RPP38: variants seen among roughly 807,000 people sequenced by gnomAD.
RPP38 encodes the protein ribonuclease P/MRP subunit p38.
A neutral mutation model predicts 1.7 loss-of-function variants in RPP38; 2 were observed. That is an observed-to-expected ratio of 1.18 (90% CI 0.48 to 3.70). RPP38 has a LOEUF of 3.70. RPP38 is among the 30% of genes most tolerant of loss of function. The pLI is 0.07. For missense variants in RPP38, 358 were observed against 340.1 expected (o/e 1.05, Z -0.41); for synonymous variants, 151 against 131.8 (o/e 1.15, Z -1.00).
chr10:15,101,570 C>CCTCT (rs1280667902), intron 1 of RPP38, among the ~76,000 whole-genome samples: 1 of 152,138 alleles, frequency 6.6e-6, no homozygotes, highest in Non-Finnish European at 1.5e-5. Context: ...AATTGCCAGC[C>CCTCT]AGAGAAGTCA....
At position 15,102,276 on chromosome 10, in the gene RPP38, C is replaced by G. The variant is rs2131428109; in HGVS notation, c.-71C>G. 6.6e-6 allele frequency: 1 copy of G among 151,512 alleles called. No homozygotes were observed. Among genetic ancestry groups the G allele is most frequent in the Admixed American group, 6.6e-5 (1 of 15,204 alleles). The allele number at this position is 151,512 out of a possible 1,614,324, so 9.4% of individuals were successfully genotyped here. A position where few individuals can be genotyped will look rare whatever the true frequency, so the allele number is the denominator to read the frequency against. Reference sequence around the variant, plus strand: ...GTGGCACAATCACGCTCACTGCATCCTTGACCTCCTGGGCTCAAGTGATCT... The same window carrying G: ...GTGGCACAATCACGCTCACTGCATCGTTGACCTCCTGGGCTCAAGTGATCT... On this transcript the variant is annotated 5_prime_UTR_variant, in exon 2 of 3. Transcript: ENST00000378197.
intron 1 of RPP38, among the ~76,000 whole-genome samples, chr10:15,100,044 T>C (rs1379074571): frequency 6.6e-6 from 1 of 152,200 alleles, no homozygotes; most frequent in Non-Finnish European, 1.5e-5. Flanking sequence ...TTTTCTCTCT[T>C]TCTCTAAAGC....
At chr10:15,099,582 C>T (rs1325129292) in intron 1 of RPP38, among the ~76,000 whole-genome samples, 1 of 151,258 alleles carries the variant, frequency 6.6e-6, no homozygotes, top group Admixed American at 6.6e-5. Flanking sequence ...TCAAGCAATT[C>T]CCCTACCTCA....
Position 15,098,226 on chromosome 10 carries a change from G to GTTTTTTTTTTT in RPP38, c.-130+473_-130+483dup, listed in dbSNP as rs60451551. On this transcript the variant is annotated intron_variant, in intron 1 of 2. Coordinates refer to ENST00000378197, the MANE Select transcript of RPP38 (RefSeq NM_183005.5). Reference sequence around the variant, plus strand: ...AGCCACATTGAACTTATTTGAACGTGTTTTTTTTTTTTTTTTTTTTTTTGA... The same window carrying GTTTTTTTTTTT: ...AGCCACATTGAACTTATTTGAACGTGTTTTTTTTTTTTTTTTTTTTTTTTTTTTTTTTTTGA... Among the ~76,000 whole-genome samples the GTTTTTTTTTTT allele has an allele frequency of 2.7e-4, 24 of 88,002 alleles. 2 individuals are homozygous for GTTTTTTTTTTT. Among genetic ancestry groups the GTTTTTTTTTTT allele is most frequent in the African/African-American group, 1.0e-3 (20 of 19,398 alleles). The allele number at this position is 88,002 out of a possible 152,430, so 57.7% of individuals were successfully genotyped here. A position where few individuals can be genotyped will look rare whatever the true frequency, so the allele number is the denominator to read the frequency against.
chr10:15,103,205 CATAA>C lies in RPP38; in HGVS notation c.-10-91_-10-88del, dbSNP rs1419480866. ...GAAATTCTGTCTCAAAAAATAAATACATAAATAAATAAGAATCAGAGAGTACAGT... is the reference window on the plus strand; with the variant it reads ...GAAATTCTGTCTCAAAAAATAAATACATAAATAAGAATCAGAGAGTACAGT... On this transcript the variant is annotated intron_variant, in intron 2 of 2. Transcript: ENST00000378197. The C allele has an allele frequency of 2.1e-4, 240 of 1,122,318 alleles. 1 individual carries two copies. The highest frequency in any genetic ancestry group is 4.2e-5 in the Non-Finnish European group (34 of 802,864). The allele number at this position is 1,122,318 out of a possible 1,614,324, so 69.5% of individuals were successfully genotyped here.
chr10:15,103,746 C>T lies in RPP38; in HGVS notation c.432C>T (p.Thr144=), dbSNP rs961378748. The T allele has an allele frequency of 1.2e-6, 2 of 1,613,958 alleles. No individual in the cohort carries two copies. Among genetic ancestry groups the T allele is most frequent in the Non-Finnish European group, 1.7e-6 (2 of 1,180,034 alleles). Residue 144 remains threonine, a synonymous_variant, in exon 3 of 3, where the codon ACC becomes ACT. Transcript: ENST00000378197. ...VCKSVKPAMI[T]SHLIQLSLSR... ...AATCAGTCAAGCCTGCCATGATCAC[C>T]TCACACTTGATTCAGTTAAGCCTAA...
chr10:15,097,938 T>C (rs1252075507), intron 1 of RPP38, among the ~76,000 whole-genome samples, 172 bp downstream of exon 1: 1 of 152,130 alleles, frequency 6.6e-6, no homozygotes, highest in African/African-American at 2.4e-5. Flanking sequence ...CCGACTAACA[T>C]GTATTTTTCT....
chr10:15,101,214 G>A lies in RPP38; in HGVS notation c.-129-1004G>A, dbSNP rs115939736. ...GGGGGATTCTATAGGAATGCTGTAAGAAGCAAATAATACATGGAGAGAGTG... is the reference window on the plus strand; with the variant it reads ...GGGGGATTCTATAGGAATGCTGTAAAAAGCAAATAATACATGGAGAGAGTG... On this transcript the variant is annotated intron_variant, in intron 1 of 2. Transcript: ENST00000378197. Among the ~76,000 whole-genome samples, 85 of 152,358 alleles carry A rather than the reference G, an allele frequency of 5.6e-4. 1 individual carries two copies. Among genetic ancestry groups the A allele is most frequent in the African/African-American group, 1.8e-3 (76 of 41,586 alleles).
At chr10:15,101,552 C>T (rs1219578800) in intron 1 of RPP38, among the ~76,000 whole-genome samples, 1 of 152,156 alleles carries the variant, frequency 6.6e-6, no homozygotes, top group East Asian at 1.9e-4. Context: ...TTTCCCTAGT[C>T]TTCATGGAAT....
rs1479034652 is a variant in RPP38, at chr10:15,104,137, C to G, written c.823C>G (p.Pro275Ala). ...IPNPNKIRKP[P>A]KSKKATPK The stretch of plus-strand genomic sequence containing the variant: ...AAACCCTAATAAGATAAGGAAACCA[C>G]CCAAAAGTAAAAAAGCTACTCCAAA... The change falls in exon 3 of 3, where the codon CCC becomes GCC. Residue 275 changes from proline to alanine, a missense_variant. By Grantham distance (27) the Pro-to-Ala change is conservative. Coordinates refer to ENST00000378197, the MANE Select transcript of RPP38 (RefSeq NM_183005.5). The G allele has an allele frequency of 6.4e-7, 1 of 1,570,232 alleles. No individual in the cohort carries two copies. Among genetic ancestry groups the G allele is most frequent in the South Asian group, 1.2e-5 (1 of 83,618 alleles).
chr10:15,097,809 G>A (rs1398798223), intron 1 of RPP38, 43 bp downstream of exon 1: 2 of 152,528 alleles, frequency 1.3e-5, no homozygotes, highest in Non-Finnish European at 2.9e-5. Context: ...GGTGAGCTTT[G>A]GGTCGGCCGT....
rs1473318458 is a variant in RPP38, at chr10:15,103,873, A to G, written c.559A>G (p.Thr187Ala). 5 of 1,614,048 alleles carry G rather than the reference A, an allele frequency of 3.1e-6. No homozygotes were observed. The highest frequency in any genetic ancestry group is 2.7e-5 in the African/African-American group (2 of 74,924). ...VLALAFKKNT[T>A]DFVDEVRAII... ...AGCCTTGGCGTTCAAAAAGAACACCACTGACTTTGTGGACGAAGTAAGAGC... is the reference window on the plus strand; with the variant it reads ...AGCCTTGGCGTTCAAAAAGAACACCGCTGACTTTGTGGACGAAGTAAGAGC... The change falls in exon 3 of 3, where the codon ACT becomes GCT. Residue 187 changes from threonine (T) to alanine (A), a missense_variant. Thr to Ala is a moderately conservative substitution (Grantham distance 58). Transcript: ENST00000378197.
At chr10:15,101,693 C>G (rs1330003962) in intron 1 of RPP38, among the ~76,000 whole-genome samples, 2 of 152,020 alleles carry the variant, frequency 1.3e-5, no homozygotes, top group African/African-American at 2.4e-5. Context: ...GAGTTCGAGA[C>G]CCGCCTGGCC....
In RPP38 at chr10:15,103,399, T is replaced by C. The variant is rs1845180492; in HGVS notation, c.85T>C (p.Tyr29His). 11 of 1,614,200 alleles carry C rather than the reference T, an allele frequency of 6.8e-6. No individual in the cohort carries two copies. The highest frequency in any genetic ancestry group is 2.2e-5 in the East Asian group (1 of 44,884). Residue 29 changes from tyrosine (Y) to histidine (H), a missense_variant, in exon 3 of 3, where the codon TAC becomes CAC. Coordinates refer to ENST00000378197, the MANE Select transcript of RPP38 (RefSeq NM_183005.5). ...LVVKTSLNNP[Y>H]IIRWSALESE... ...TGTGAAGACGTCGTTGAACAACCCA[T>C]ACATCATCCGCTGGAGCGCTCTGGA...
intron 1 of RPP38, among the ~76,000 whole-genome samples, chr10:15,099,400 G>C (rs1400669221): frequency 6.6e-6 from 1 of 152,104 alleles, no homozygotes; most frequent in Non-Finnish European, 1.5e-5. Context: ...GGGAGGCCGA[G>C]GCTACGGGAT....
In RPP38 at chr10:15,103,507, A is replaced by C. The variant is rs1196518808; in HGVS notation, c.193A>C (p.Lys65Gln). The change falls in exon 3 of 3, where the codon AAA (lysine) becomes CAA (glutamine). Residue 65 changes from lysine to glutamine, a missense_variant. Physicochemically the swap from Lys to Gln is moderately conservative, Grantham distance 53. Transcript: ENST00000378197. ...ACTTCAGAAGATTGAAGATAAGAAG[A>C]AAAAGAACAAAACACCTTTTCTGAA... is the stretch of plus-strand genomic sequence containing the variant. ...IGLQKIEDKK[K>Q]KNKTPFLKKE... is the part of the protein sequence containing the mutation. 6.2e-7 allele frequency: 1 copy of C among 1,613,964 alleles called. No homozygotes were observed. Among genetic ancestry groups the C allele is most frequent in the African/African-American group, 1.3e-5 (1 of 74,900 alleles).
In RPP38 at chr10:15,103,299, T is replaced by C. The variant is rs1044646467; in HGVS notation, c.-10-6T>C. The C allele has an allele frequency of 6.4e-7, 1 of 1,554,988 alleles. No homozygotes were observed. The highest frequency in any genetic ancestry group is 1.4e-5 in the African/African-American group (1 of 72,174). On this transcript the variant is annotated splice_polypyrimidine_tract_variant and splice_region_variant and intron_variant, in intron 2 of 2. Coordinates refer to ENST00000378197, the MANE Select transcript of RPP38 (RefSeq NM_183005.5). ...TTTTTTCTGTTGTCATTTTGCTTCT[T>C]GGAAGGATTTTCAAAATGGCTGCAG...
chr10:15,104,052 T>G lies in RPP38; in HGVS notation c.738T>G (p.Leu246=). The G allele has an allele frequency of 6.2e-7, 1 of 1,614,128 alleles. No homozygotes were observed. Among genetic ancestry groups the G allele is most frequent in the Non-Finnish European group, 8.5e-7 (1 of 1,180,032 alleles). The change falls in exon 3 of 3, where the codon CTT becomes CTG. Residue 246 remains leucine (L), a synonymous_variant. Coordinates refer to ENST00000378197, the MANE Select transcript of RPP38 (RefSeq NM_183005.5). Reference sequence around the variant, plus strand: ...ATCTGTCAAAACCTAAGAGAAAGCTTGCTGACGGTCGGCAGGCTTCTGTAA... The same window carrying G: ...ATCTGTCAAAACCTAAGAGAAAGCTGGCTGACGGTCGGCAGGCTTCTGTAA... ...FEDLSKPKRK[L]ADGRQASVTL...
At position 15,103,768 on chromosome 10, in the gene RPP38, C is replaced by G; in HGVS notation, c.454C>G (p.Leu152Val). Residue 152 changes from leucine to valine, a missense_variant, in exon 3 of 3, where the codon CTA becomes GTA. Coordinates refer to ENST00000378197, the MANE Select transcript of RPP38 (RefSeq NM_183005.5). ...CACCTCACACTTGATTCAGTTAAGC[C>G]TAAGCAGAAGTGTCCCTGCCTGTCA... ...MITSHLIQLS[L>V]SRSVPACQVP... 6.2e-7 allele frequency: 1 copy of G among 1,613,940 alleles called. No individual in the cohort carries two copies. Among genetic ancestry groups the G allele is most frequent in the Non-Finnish European group, 8.5e-7 (1 of 1,180,024 alleles).
Sources: gnomAD v4.1 joint callset for allele counts (sites outside exome capture counted in the v4.1 genomes callset) on GRCh38, gnomAD v4.1.1 for gene constraint, MANE v1.5 for transcripts, NCBI Gene and HGNC (gene_info 2026-07-23, HGNC 2026-07-21) for gene names.